The following SMYD3 variants were observed in gnomAD, a reference collection of about 807,000 sequenced individuals.
SMYD3 encodes SET and MYND domain containing 3, also known as histone-lysine N-methyltransferase SMYD3.
In SMYD3, 36 loss-of-function variants were observed where a neutral mutation model predicts 57.7. That is an observed-to-expected ratio of 0.62 (90% CI 0.48 to 0.82). The LOEUF (loss-of-function observed/expected upper bound fraction) is 0.82. Ranked by LOEUF, SMYD3 falls within the 40% of genes least tolerant of loss-of-function variation. The pLI is 0.00. For synonymous variants in SMYD3, 211 were observed against 195.0 expected (o/e 1.08, Z -0.68); for missense variants, 515 against 538.8 (o/e 0.96, Z 0.44).
At chr1:246,038,402 CAA>C (rs1330974826) in intron 5 of SMYD3, among the ~76,000 whole-genome samples, 1 of 151,946 alleles carries the variant, frequency 6.6e-6, no homozygotes, top group East Asian at 1.9e-4. Context: ...ACAGAATTAT[CAA>C]AAACTCTTTC....
In SMYD3 at chr1:245,879,806, A is replaced by G. The variant is rs112791460; in HGVS notation, c.814-15920T>C. ...CAAATATGGTCTCAAGAAAATAAAAATAAAACTCTGTAATGGAAGTCTTCA... is the reference window on the plus strand; with the variant it reads ...CAAATATGGTCTCAAGAAAATAAAAGTAAAACTCTGTAATGGAAGTCTTCA... On this transcript the variant is annotated intron_variant, in intron 8 of 11. Transcript: ENST00000490107. Among the ~76,000 whole-genome samples the G allele has an allele frequency of 3.6e-3, 541 of 152,362 alleles. 6 individuals carry two copies. Among genetic ancestry groups the G allele is most frequent in the African/African-American group, 0.012 (515 of 41,576 alleles).
chr1:245,769,873 G>T (rs560345291), intron 10 of SMYD3, among the ~76,000 whole-genome samples: 1 of 152,130 alleles, frequency 6.6e-6, no homozygotes, highest in Non-Finnish European at 1.5e-5. Flanking sequence ...CCATGGTATC[G>T]CTGGGTTATA....
chr1:246,108,086 C>G (rs10802333), intron 5 of SMYD3, among the ~76,000 whole-genome samples: 96,120 of 151,968 alleles, frequency 0.63, 32,069 homozygotes, highest in Non-Finnish European at 0.73. Flanking sequence ...TTACAGAGCT[C>G]GTCTTCTTTG....
chr1:246,095,188 C>T lies in SMYD3; in HGVS notation c.532-165251G>A, dbSNP rs76754979. On this transcript the variant is annotated intron_variant, in intron 5 of 11. Transcript: ENST00000490107. ...ACCATGGGCTTGCGGGTGGCTAGCACAAATACAACTTCATACTTCTTTCCT... is the reference window on the plus strand; with the variant it reads ...ACCATGGGCTTGCGGGTGGCTAGCATAAATACAACTTCATACTTCTTTCCT... Among the ~76,000 whole-genome samples, 943 of 152,260 alleles carry T rather than the reference C, an allele frequency of 6.2e-3. 4 individuals carry two copies. Among genetic ancestry groups the T allele is most frequent in the Middle Eastern group, 0.034 (10 of 294 alleles).
intron 5 of SMYD3, among the ~76,000 whole-genome samples, chr1:246,001,675 T>C (rs2059048123): frequency 6.6e-6 from 1 of 152,204 alleles, no homozygotes; most frequent in East Asian, 1.9e-4. Flanking sequence ...AGTTTAAATG[T>C]TTTCCATGAT....
At chr1:246,311,152 C>T (rs760488627) in intron 5 of SMYD3, among the ~76,000 whole-genome samples, 32 of 152,266 alleles carry the variant, frequency 2.1e-4, no homozygotes, top group Non-Finnish European at 3.7e-4. Flanking sequence ...CAAGTTTAAA[C>T]CTTCCTTGTC....
At chr1:245,923,237 C>T (rs2147813407) in intron 7 of SMYD3, among the ~76,000 whole-genome samples, 1 of 151,496 alleles carries the variant, frequency 6.6e-6, no homozygotes, top group East Asian at 1.9e-4. Context: ...TTGTTTTCTT[C>T]AAGTGTTTTA....
At chr1:245,761,914 C>T (rs2817508) in intron 11 of SMYD3, among the ~76,000 whole-genome samples, 16,784 of 151,236 alleles carry the variant, frequency 0.11, 2,999 homozygotes, top group African/African-American at 0.38. Context: ...GCCTCCTGAG[C>T]AGCTAGGATT....
chr1:245,839,354 A>G (rs2050273662), intron 10 of SMYD3, among the ~76,000 whole-genome samples: 1 of 151,938 alleles, frequency 6.6e-6, no homozygotes, highest in African/African-American at 2.4e-5. Context: ...TATTTTTAGT[A>G]GAGACGGGGT....
chr1:245,906,481 A>T (rs1186268318), intron 8 of SMYD3, among the ~76,000 whole-genome samples: 1 of 152,188 alleles, frequency 6.6e-6, no homozygotes. Context: ...TATAATAAAG[A>T]CAAGCAGTAA....
At chr1:246,461,805 G>C (rs1163281621) in intron 1 of SMYD3, among the ~76,000 whole-genome samples, 1 of 151,236 alleles carries the variant, frequency 6.6e-6, no homozygotes, top group Non-Finnish European at 1.5e-5. Flanking sequence ...CACAGGAAAA[G>C]TACCACTATT....
intron 1 of SMYD3, among the ~76,000 whole-genome samples, chr1:246,407,262 T>G (rs930738030): frequency 1.3e-5 from 2 of 152,216 alleles, no homozygotes; most frequent in Non-Finnish European, 2.9e-5. Flanking sequence ...TCTAGTGTAT[T>G]TAATATAGTT....
chr1:245,914,002 A>G (rs1000973459), intron 8 of SMYD3, among the ~76,000 whole-genome samples: 1 of 152,184 alleles, frequency 6.6e-6, no homozygotes, highest in Non-Finnish European at 1.5e-5. Context: ...GGGAAAACAT[A>G]CTCTCATACT....
chr1:246,228,284 T>G (rs2063359809), intron 5 of SMYD3, among the ~76,000 whole-genome samples: 1 of 152,116 alleles, frequency 6.6e-6, no homozygotes, highest in African/African-American at 2.4e-5. Context: ...ATTTCCTTAT[T>G]TCAATGTTTA....
chr1:245,915,606 C>G lies in SMYD3; in HGVS notation c.737G>C (p.Ser246Thr). 6.2e-7 allele frequency: 1 copy of G among 1,614,010 alleles called. No individual in the cohort carries two copies. The highest frequency in any genetic ancestry group is 8.5e-7 in the Non-Finnish European group (1 of 1,179,928). Reference sequence around the variant, plus strand: ...CCTCAGCTGCTTCCGGCGCTCCTCACTGGTCATCAGCATATCCAGGTAGCA... The same window carrying G: ...CCTCAGCTGCTTCCGGCGCTCCTCAGTGGTCATCAGCATATCCAGGTAGCA... ...TICYLDMLMT[S>T]EERRKQLRDQ... Residue 246 changes from serine to threonine, a missense_variant, in exon 8 of 12, where the codon AGT (serine) becomes ACT (threonine). Transcript: ENST00000490107.
At chr1:246,363,186 C>A (rs1184011194) in intron 1 of SMYD3, among the ~76,000 whole-genome samples, 6 of 151,708 alleles carry the variant, frequency 4.0e-5, no homozygotes, top group Non-Finnish European at 7.4e-5. Flanking sequence ...CTCCGCCCGG[C>A]AGCCACCCCG....
chr1:245,932,623 G>C (rs143880983), intron 5 of SMYD3, among the ~76,000 whole-genome samples: 13 of 152,078 alleles, frequency 8.5e-5, no homozygotes, highest in African/African-American at 2.4e-4. Context: ...GCAGTGGTGC[G>C]ATCATGGCTC....
At chr1:245,779,061 G>A (rs1397328447) in intron 10 of SMYD3, among the ~76,000 whole-genome samples, 2 of 151,694 alleles carry the variant, frequency 1.3e-5, no homozygotes, top group Non-Finnish European at 2.9e-5. Flanking sequence ...TTGAGAGGAT[G>A]AAGCACAAGA....
chr1:246,349,203 TC>T (rs1038249422), intron 2 of SMYD3, among the ~76,000 whole-genome samples: 7 of 152,236 alleles, frequency 4.6e-5, no homozygotes, highest in African/African-American at 1.7e-4. Context: ...CTTTCATTTT[TC>T]TTATTCTTAA....
Sources: allele counts gnomAD v4.1 joint callset (sites outside exome capture counted in the v4.1 genomes callset), GRCh38; gene constraint gnomAD v4.1.1; transcripts MANE v1.5; gene names NCBI Gene and HGNC (gene_info 2026-07-23, HGNC 2026-07-21).